RIMS2: variants seen among roughly 807,000 people sequenced by gnomAD.
RIMS2 encodes regulating synaptic membrane exocytosis protein 2.
RIMS2 carries 59 observed loss-of-function variants against 174.4 expected under a neutral mutation model. The ratio of observed to expected loss-of-function variants is 0.34; its 90% CI spans 0.27 to 0.42. The LOEUF is 0.42. RIMS2 is among the 10% of genes least tolerant of loss of function. RIMS2 has a pLI of 1.00. For missense variants in RIMS2, 1,620 were observed against 1,666.3 expected (o/e 0.97, Z 0.48); for synonymous variants, 606 against 572.5 (o/e 1.06, Z -0.84).
intron 3 of RIMS2, among the ~76,000 whole-genome samples, chr8:103,781,677 C>T (rs143674404): frequency 6.9e-6 from 1 of 144,882 alleles, no homozygotes; most frequent in East Asian, 2.0e-4. Flanking sequence ...CTCCTCAGTT[C>T]TTGAAGAAGA....
chr8:103,663,473 G>A (rs915309218), intron 1 of RIMS2, among the ~76,000 whole-genome samples: 3 of 152,118 alleles, frequency 2.0e-5, no homozygotes, highest in African/African-American at 7.2e-5. Context: ...AAAATCACAA[G>A]CATTCCTATA....
chr8:103,854,134 T>C (rs1362506930), intron 3 of RIMS2, among the ~76,000 whole-genome samples: 1 of 152,126 alleles, frequency 6.6e-6, no homozygotes, highest in East Asian at 1.9e-4. Context: ...TTCGTTTTCT[T>C]TGTGGCTGTT....
intron 3 of RIMS2, among the ~76,000 whole-genome samples, chr8:103,876,412 A>C (rs1303784833): frequency 6.6e-6 from 1 of 151,736 alleles, no homozygotes; most frequent in African/African-American, 2.4e-5. Flanking sequence ...TATTTTAAAA[A>C]ACACCTTATG....
chr8:103,779,372 G>A (rs764593618), intron 3 of RIMS2, among the ~76,000 whole-genome samples: 2 of 152,042 alleles, frequency 1.3e-5, no homozygotes, highest in African/African-American at 2.4e-5. Flanking sequence ...TAATTTCACA[G>A]TTTTGGGTCT....
At chr8:104,086,078 G>T (rs1312322219) in intron 19 of RIMS2, among the ~76,000 whole-genome samples, 2 of 151,926 alleles carry the variant, frequency 1.3e-5, no homozygotes, top group Non-Finnish European at 2.9e-5. Flanking sequence ...TTAAAATCAG[G>T]TTAGGGAAAA....
intron 19 of RIMS2, among the ~76,000 whole-genome samples, chr8:104,052,532 A>G (rs545619823): frequency 6.6e-6 from 1 of 152,314 alleles, no homozygotes; most frequent in East Asian, 1.9e-4. Flanking sequence ...AGCAGTGGGC[A>G]AGAAACCAAA....
At chr8:103,973,904 T>C (rs576601847) in intron 15 of RIMS2, among the ~76,000 whole-genome samples, 10 of 152,306 alleles carry the variant, frequency 6.6e-5, no homozygotes, top group African/African-American at 2.4e-4. Flanking sequence ...GCTGTCCCTC[T>C]CTCTCTGGAG....
chr8:103,691,698 A>T (rs900963188), intron 1 of RIMS2, among the ~76,000 whole-genome samples: 1 of 151,972 alleles, frequency 6.6e-6, no homozygotes, highest in Non-Finnish European at 1.5e-5. Flanking sequence ...TGCCTTACTT[A>T]GTTTGTTTGG....
At chr8:103,504,846 C>CTTTTTTTT (rs11367763) in intron 1 of RIMS2, among the ~76,000 whole-genome samples, 43 of 95,034 alleles carry the variant, frequency 4.5e-4, no homozygotes, top group South Asian at 7.1e-4. Context: ...TTCTTTCTTT[C>CTTTTTTTT]TTTTTTTTTT....
intron 2 of RIMS2, among the ~76,000 whole-genome samples, chr8:103,704,205 T>A (rs1054220842): frequency 6.6e-6 from 1 of 150,570 alleles, no homozygotes; most frequent in Non-Finnish European, 1.5e-5. Flanking sequence ...TAAATGCTTT[T>A]ATTGGAATGT....
chr8:103,944,200 G>A (rs1246703588), intron 14 of RIMS2, among the ~76,000 whole-genome samples: 7 of 151,938 alleles, frequency 4.6e-5, no homozygotes, highest in African/African-American at 1.7e-4. Context: ...ATGTCTTTCA[G>A]CCTCCCCACA....
chr8:104,124,286 A>G (rs1041957652), intron 19 of RIMS2, among the ~76,000 whole-genome samples: 2 of 152,154 alleles, frequency 1.3e-5, no homozygotes, highest in Admixed American at 6.6e-5. Flanking sequence ...GGAGAAATCC[A>G]GTATTATCTA....
intron 3 of RIMS2, among the ~76,000 whole-genome samples, chr8:103,785,676 A>C (rs2098436947): frequency 6.6e-6 from 1 of 152,068 alleles, no homozygotes; most frequent in African/African-American, 2.4e-5. Flanking sequence ...TTTAGCCAGT[A>C]TTTTATTGAG....
At chr8:103,574,865 G>A (rs560803802) in intron 1 of RIMS2, among the ~76,000 whole-genome samples, 1 of 152,310 alleles carries the variant, frequency 6.6e-6, no homozygotes, top group East Asian at 1.9e-4. Context: ...AAAGGAGATA[G>A]AAGATATTTC....
chr8:103,764,689 AT>A (rs1479407292), intron 2 of RIMS2, among the ~76,000 whole-genome samples: 1 of 152,180 alleles, frequency 6.6e-6, no homozygotes, highest in African/African-American at 2.4e-5. Context: ...GATATTATTT[AT>A]GACTAATTCT....
intron 19 of RIMS2, among the ~76,000 whole-genome samples, chr8:104,208,088 G>C (rs968251455): frequency 1.8e-4 from 28 of 151,952 alleles, no homozygotes; most frequent in African/African-American, 6.5e-4. Flanking sequence ...AAGTTTTAAA[G>C]TCTTCTTCTA....
At chr8:103,749,436 ACT>A (rs1173012641) in intron 2 of RIMS2, among the ~76,000 whole-genome samples, 1 of 151,070 alleles carries the variant, frequency 6.6e-6, no homozygotes, top group Non-Finnish European at 1.5e-5. Flanking sequence ...GAAAAACTAA[ACT>A]CTCTTTCTTT....
intron 1 of RIMS2, among the ~76,000 whole-genome samples, chr8:103,588,893 G>A (rs1039359524): frequency 6.6e-6 from 1 of 151,750 alleles, no homozygotes; most frequent in Non-Finnish European, 1.5e-5. Context: ...GGCAACCAAA[G>A]CAGAAATGAA....
chr8:103,749,899 T>C (rs1428989995), intron 2 of RIMS2, among the ~76,000 whole-genome samples: 1 of 152,162 alleles, frequency 6.6e-6, no homozygotes, highest in Non-Finnish European at 1.5e-5. Flanking sequence ...TTTGATTGTT[T>C]ATTGATTATT....
Sources: gnomAD v4.1 joint callset for allele counts (sites outside exome capture counted in the v4.1 genomes callset) on GRCh38, gnomAD v4.1.1 for gene constraint, MANE v1.5 for transcripts, NCBI Gene and HGNC (gene_info 2026-07-23, HGNC 2026-07-21) for gene names.